The following ANKRD45 variants were observed in gnomAD, a reference collection of about 807,000 sequenced individuals.
The protein encoded by ANKRD45 is ankyrin repeat domain 45, also known as ankyrin repeat domain-containing protein 45.
A neutral mutation model predicts 28.1 loss-of-function variants in ANKRD45; 21 were observed. The ratio of observed to expected loss-of-function variants is 0.75; its 90% CI spans 0.53 to 1.08. The LOEUF is 1.08. Ranked by LOEUF, ANKRD45 falls within the 50% of genes least tolerant of loss-of-function variation. The probability of loss-of-function intolerance (pLI) is 0.00; values close to 1 mark genes in which losing one functional copy is unlikely to be tolerated. For synonymous variants in ANKRD45, 86 were observed against 103.9 expected, an observed-to-expected ratio of 0.83 and a Z score of 1.05; for missense variants, 261 against 308.7, an observed-to-expected ratio of 0.85 and a Z score of 1.16.
At chr1:173,663,366 A>C (rs958218301) in intron 1 of ANKRD45, among the ~76,000 whole-genome samples, 6 of 152,126 alleles carry the variant, frequency 3.9e-5, no homozygotes, top group Admixed American at 2.0e-4. Context: ...ATGAGAACAT[A>C]CTGTGGTTCT....
chr1:173,675,780 G>A, the ANKRD45 span, among the ~76,000 whole-genome samples: 5 of 152,060 alleles, frequency 3.3e-5, no homozygotes, highest in East Asian at 1.9e-4. Context: ...ACAAATCATG[G>A]TAAGACTGAT....
the ANKRD45 span, among the ~76,000 whole-genome samples, chr1:173,706,043 G>A: frequency 2.6e-5 from 4 of 151,942 alleles, no homozygotes; most frequent in Non-Finnish European, 4.4e-5. Flanking sequence ...AGTGGCTCAC[G>A]CCTGTAATCC....
chr1:173,674,624 CA>C (rs1558154225), upstream of ANKRD45, among the ~76,000 whole-genome samples: 1 of 152,032 alleles, frequency 6.6e-6, no homozygotes, highest in Non-Finnish European at 1.5e-5. Context: ...CAACTCGAAG[CA>C]GGGGGGTTAG....
chr1:173,688,470 A>ACCTCTTCCTCTCTCTCTCTG, the ANKRD45 span, among the ~76,000 whole-genome samples: 9 of 33,690 alleles, frequency 2.7e-4, no homozygotes, highest in African/African-American at 1.2e-3. Context: ...TCCTCTCTCT[A>ACCTCTTCCTCTCTCTCTCTG]CCTCTTCCTC....
chr1:173,633,120 T>G (rs920782819), intron 3 of ANKRD45, among the ~76,000 whole-genome samples: 2 of 151,900 alleles, frequency 1.3e-5, no homozygotes, highest in African/African-American at 2.4e-5. Flanking sequence ...AAACAATTAT[T>G]AGAACTGATA....
chr1:173,614,808 G>C (rs1275883793), intron 5 of ANKRD45, among the ~76,000 whole-genome samples: 1 of 150,574 alleles, frequency 6.6e-6, no homozygotes, highest in Non-Finnish European at 1.5e-5. Context: ...TTGGGATTTT[G>C]TTGTTTTATT....
the ANKRD45 span, among the ~76,000 whole-genome samples, chr1:173,693,357 ATTCT>A: frequency 6.6e-6 from 1 of 152,068 alleles, no homozygotes; most frequent in Non-Finnish European, 1.5e-5. Context: ...TTGTTATGTT[ATTCT>A]TTGTTATTCT....
At chr1:173,610,897 C>G (rs114029845) in intron 5 of ANKRD45, among the ~76,000 whole-genome samples, 1 of 152,130 alleles carries the variant, frequency 6.6e-6, no homozygotes. Flanking sequence ...TACTCACTTT[C>G]TCTAGTCTCC....
chr1:173,695,623 T>C, the ANKRD45 span, among the ~76,000 whole-genome samples: 1 of 152,220 alleles, frequency 6.6e-6, no homozygotes, highest in Non-Finnish European at 1.5e-5. Context: ...CCTATGTTGA[T>C]TCCATGTCTC....
At chr1:173,709,453 A>T in the ANKRD45 span, among the ~76,000 whole-genome samples, 1 of 152,170 alleles carries the variant, frequency 6.6e-6, no homozygotes, top group Non-Finnish European at 1.5e-5. Flanking sequence ...TAGAAGTACA[A>T]TTCCATGACT....
intron 4 of ANKRD45, 41 bp downstream of exon 4, chr1:173,627,024 C>G: frequency 6.9e-7 from 1 of 1,443,486 alleles, no homozygotes; most frequent in South Asian, 1.2e-5. Context: ...AGACAAAATT[C>G]TCAAAACACT....
chr1:173,691,638 T>C, the ANKRD45 span, among the ~76,000 whole-genome samples: 13 of 151,908 alleles, frequency 8.6e-5, no homozygotes, highest in African/African-American at 2.7e-4. Flanking sequence ...ACAAAAAAAT[T>C]AGCCAGGCTT....
chr1:173,646,384 G>A (rs1668924622), intron 3 of ANKRD45, among the ~76,000 whole-genome samples: 1 of 152,116 alleles, frequency 6.6e-6, no homozygotes, highest in African/African-American at 2.4e-5. Context: ...CTACTATTCT[G>A]ACTATTAGCA....
At chr1:173,683,421 G>A in the ANKRD45 span, among the ~76,000 whole-genome samples, 2 of 152,006 alleles carry the variant, frequency 1.3e-5, no homozygotes, top group Non-Finnish European at 2.9e-5. Context: ...CTGAAAGCAA[G>A]TAAAACTCCA....
the ANKRD45 span, among the ~76,000 whole-genome samples, chr1:173,694,745 C>T: frequency 1.3e-5 from 2 of 152,078 alleles, no homozygotes; most frequent in South Asian, 4.2e-4. Flanking sequence ...CTCCAATGTC[C>T]ATTATACCAT....
intron 3 of ANKRD45, among the ~76,000 whole-genome samples, chr1:173,639,867 G>C (rs894719599): frequency 1.3e-5 from 2 of 152,144 alleles, no homozygotes; most frequent in African/African-American, 4.8e-5. Flanking sequence ...CCAAATTTGG[G>C]CTAATAGAGA....
chr1:173,666,822 G>A (rs545091482), intron 1 of ANKRD45, among the ~76,000 whole-genome samples: 45 of 152,114 alleles, frequency 3.0e-4, no homozygotes, highest in Non-Finnish European at 3.8e-4. Flanking sequence ...ATGCCATCAC[G>A]ACTCACTACA....
At chr1:173,652,339 A>G (rs1437978100) in intron 2 of ANKRD45, among the ~76,000 whole-genome samples, 1 of 152,116 alleles carries the variant, frequency 6.6e-6, no homozygotes, top group East Asian at 1.9e-4. Context: ...CCTTTTCTGT[A>G]TCTGTTGAGA....
chr1:173,698,482 C>T, the ANKRD45 span, among the ~76,000 whole-genome samples: 3 of 152,180 alleles, frequency 2.0e-5, no homozygotes, highest in Non-Finnish European at 4.4e-5. Flanking sequence ...TCTCAGACCA[C>T]AGCGCAATTA....
Sources: gnomAD v4.1 joint callset for allele counts (sites outside exome capture counted in the v4.1 genomes callset) on GRCh38, gnomAD v4.1.1 for gene constraint, MANE v1.5 for transcripts, NCBI Gene and HGNC (gene_info 2026-07-23, HGNC 2026-07-21) for gene names.